ADARB2: variants seen among roughly 807,000 people sequenced by gnomAD.
ADARB2 encodes inactive double-stranded RNA-specific editase B2.
Under a neutral mutation model 62.2 loss-of-function variants are expected in ADARB2, and 25 were observed. The observed-to-expected ratio is 0.40, with a 90% confidence interval of 0.29 to 0.56. The LOEUF (loss-of-function observed/expected upper bound fraction) is 0.56. Among genes scored for constraint, ADARB2 ranks in the 20% least tolerant of loss-of-function variants. The pLI is 0.43. For synonymous variants in ADARB2, 572 were observed against 500.8 expected (o/e 1.14, Z -1.90); for missense variants, 1,071 against 1,077.4 (o/e 0.99, Z 0.08).
chr10:1,200,318 G>A, intron 7 of ADARB2, 171 bp from the exon 8 acceptor site: 1 of 814,638 alleles, frequency 1.2e-6, no homozygotes, highest in Admixed American at 2.0e-5. Context: ...CTGGGGCTCT[G>A]GGGACACTGT....
chr10:1,288,498 G>A (rs868006691), intron 3 of ADARB2, among the ~76,000 whole-genome samples: 2 of 152,208 alleles, frequency 1.3e-5, no homozygotes, highest in South Asian at 4.1e-4. Context: ...CTGAGGAAAA[G>A]AAAACTCCTT....
At chr10:1,558,059 T>G (rs872824) in intron 1 of ADARB2, among the ~76,000 whole-genome samples, 1 of 151,978 alleles carries the variant, frequency 6.6e-6, no homozygotes, top group Non-Finnish European at 1.5e-5. Flanking sequence ...GGCCCAGCAG[T>G]GAGCGTGGCT....
chr10:1,378,997 G>T, intron 2 of ADARB2, 77 bp downstream of exon 2: 1 of 1,278,710 alleles, frequency 7.8e-7, no homozygotes, highest in Middle Eastern at 2.0e-4. Flanking sequence ...GGTATCTCAG[G>T]TTTTGGGGAC....
chr10:1,277,903 A>G (rs979717621), intron 3 of ADARB2, among the ~76,000 whole-genome samples: 2 of 152,118 alleles, frequency 1.3e-5, no homozygotes, highest in African/African-American at 4.8e-5. Context: ...AAGCTTATCC[A>G]CCGTGATCAA....
rs1463370136 is a variant in ADARB2 at position 1,427,406 on chromosome 10, G to C, written c.101-48246C>G. ...CAAAGTCGGCAATACCATTAGAAAC[G>C]GGCAAAAGACAAGAAAAGATGTTTC... On this transcript the variant is annotated intron_variant, in intron 1 of 9. Transcript: ENST00000381312. Among the ~76,000 whole-genome samples, 3 of 152,274 alleles carry C rather than the reference G, an allele frequency of 2.0e-5. No individual in the cohort carries two copies. The East Asian group carries it at 5.8e-4, about 29-fold the overall frequency.
At chr10:1,382,255 A>G (rs1307907234) in intron 1 of ADARB2, among the ~76,000 whole-genome samples, 1 of 152,228 alleles carries the variant, frequency 6.6e-6, no homozygotes, top group Non-Finnish European at 1.5e-5. Flanking sequence ...CCACGAGTGC[A>G]GTGGACTTCA....
At chr10:1,326,055 G>A (rs975470341) in intron 3 of ADARB2, among the ~76,000 whole-genome samples, 6 of 152,230 alleles carry the variant, frequency 3.9e-5, no homozygotes, top group African/African-American at 1.4e-4. Context: ...TAAAACAGTA[G>A]ATATGTAAAC....
At chr10:1,311,811 G>A (rs2131823114) in intron 3 of ADARB2, among the ~76,000 whole-genome samples, 1 of 152,332 alleles carries the variant, frequency 6.6e-6, no homozygotes, top group Non-Finnish European at 1.5e-5. Flanking sequence ...GATGATGGAA[G>A]CTTAGTTAAA....
chr10:1,626,670 C>T (rs1039138360), intron 1 of ADARB2, among the ~76,000 whole-genome samples: 3 of 152,288 alleles, frequency 2.0e-5, no homozygotes, highest in East Asian at 1.9e-4. Flanking sequence ...CATGGAAGAA[C>T]GTGAATGACT....
chr10:1,417,690 T>A (rs2131883002), intron 1 of ADARB2, among the ~76,000 whole-genome samples: 1 of 152,332 alleles, frequency 6.6e-6, no homozygotes, highest in South Asian at 2.1e-4. Context: ...TCTTCACTCC[T>A]GTGCTATGGG....
chr10:1,363,997 C>A (rs2131851253), intron 2 of ADARB2, 80 bp from the exon 3 acceptor site: 2 of 1,389,898 alleles, frequency 1.4e-6, no homozygotes, highest in South Asian at 1.6e-5. Flanking sequence ...CCCTGAGGGT[C>A]CCCGTCCCAG....
chr10:1,707,013 G>A (rs1011928367), intron 1 of ADARB2, among the ~76,000 whole-genome samples: 9 of 152,176 alleles, frequency 5.9e-5, no homozygotes, highest in African/African-American at 1.9e-4. Flanking sequence ...TCAGGTACCC[G>A]GTCCAGAGTG....
chr10:1,650,330 T>G (rs967727464), intron 1 of ADARB2, among the ~76,000 whole-genome samples: 1 of 152,188 alleles, frequency 6.6e-6, no homozygotes, highest in Non-Finnish European at 1.5e-5. Context: ...AAGGGGAGCC[T>G]CCTGGTGTTT....
At chr10:1,232,030 C>A (rs780228996) in intron 6 of ADARB2, among the ~76,000 whole-genome samples, 1 of 152,152 alleles carries the variant, frequency 6.6e-6, no homozygotes, top group Non-Finnish European at 1.5e-5. Context: ...AGCCTTCCAC[C>A]GGAGGAGAGT....
At chr10:1,217,742 C>T (rs1008149970) in intron 6 of ADARB2, among the ~76,000 whole-genome samples, 5 of 152,232 alleles carry the variant, frequency 3.3e-5, no homozygotes, top group East Asian at 1.9e-4. Flanking sequence ...CAGTGCTTGC[C>T]GCCCAGGCTG....
intron 3 of ADARB2, among the ~76,000 whole-genome samples, chr10:1,331,840 A>G (rs1300371631): frequency 1.3e-5 from 2 of 152,190 alleles, no homozygotes; most frequent in Non-Finnish European, 2.9e-5. Context: ...GCACACTTTG[A>G]AGACTTTAAC....
intron 1 of ADARB2, among the ~76,000 whole-genome samples, chr10:1,457,080 G>C (rs1188259471): frequency 6.6e-6 from 1 of 152,148 alleles, no homozygotes; most frequent in Non-Finnish European, 1.5e-5. Flanking sequence ...TTCTTTTCTT[G>C]GAAAGAGATG....
intron 3 of ADARB2, among the ~76,000 whole-genome samples, chr10:1,319,323 A>G (rs1170129970): frequency 6.6e-6 from 1 of 152,198 alleles, no homozygotes; most frequent in Non-Finnish European, 1.5e-5. Context: ...AAAACAGAAA[A>G]ATAGCACAGA....
At chr10:1,631,353 C>G (rs927400037) in intron 1 of ADARB2, among the ~76,000 whole-genome samples, 1 of 152,016 alleles carries the variant, frequency 6.6e-6, no homozygotes, top group Non-Finnish European at 1.5e-5. Context: ...CTTTAGCCAG[C>G]GGGGACCTGA....
Sources: gnomAD v4.1 joint callset for allele counts (sites outside exome capture counted in the v4.1 genomes callset) on GRCh38, gnomAD v4.1.1 for gene constraint, MANE v1.5 for transcripts, NCBI Gene and HGNC (gene_info 2026-07-23, HGNC 2026-07-21) for gene names.